Variants in DPP10 observed in about 807,000 individuals in gnomAD.
DPP10 encodes inactive dipeptidyl peptidase 10.
Under a neutral mutation model 120.9 loss-of-function variants are expected in DPP10, and 33 were observed. The observed-to-expected ratio is 0.27, with a 90% confidence interval of 0.21 to 0.37. The LOEUF (loss-of-function observed/expected upper bound fraction) is 0.37, where lower values mean the gene tolerates loss of function less well. DPP10 is among the 10% of genes least tolerant of loss of function. The pLI is 1.00. For missense variants in DPP10, 816 were observed against 942.8 expected, an observed-to-expected ratio of 0.87 and a Z score of 1.76; for synonymous variants, 337 against 326.1, an observed-to-expected ratio of 1.03 and a Z score of -0.36.
chr2:114,906,975 A>G (rs945138256), intron 1 of DPP10, among the ~76,000 whole-genome samples: 45 of 152,040 alleles, frequency 3.0e-4, no homozygotes, highest in East Asian at 1.9e-4. Flanking sequence ...TATTTGTGGG[A>G]AGTTTTAAGA....
intron 10 of DPP10, 120 bp from the exon 11 acceptor site, chr2:115,753,054 T>C (rs554970964): frequency 1.3e-6 from 1 of 793,640 alleles, no homozygotes; most frequent in Admixed American, 3.2e-5. Context: ...TAAATTAATA[T>C]GTAGCAACAT....
chr2:114,783,600 G>A (rs1194153849), intron 1 of DPP10, among the ~76,000 whole-genome samples: 1 of 152,042 alleles, frequency 6.6e-6, no homozygotes, highest in African/African-American at 2.4e-5. Flanking sequence ...ACTTTGACAG[G>A]CCAAGAAGGG....
chr2:115,797,664 G>A (rs1475152504), intron 19 of DPP10, among the ~76,000 whole-genome samples: 2 of 151,900 alleles, frequency 1.3e-5, no homozygotes, highest in Non-Finnish European at 2.9e-5. Context: ...AAAAGGCAGT[G>A]GCATTTAATC....
intron 1 of DPP10, among the ~76,000 whole-genome samples, chr2:115,201,766 G>A (rs2055743478): frequency 6.6e-6 from 1 of 152,114 alleles, no homozygotes. Flanking sequence ...CCACAGTGGA[G>A]CAGTAAGAGA....
intron 1 of DPP10, among the ~76,000 whole-genome samples, chr2:114,787,276 C>T (rs191339156): frequency 2.0e-5 from 3 of 152,124 alleles, no homozygotes; most frequent in East Asian, 3.9e-4. Context: ...ACCATGGGGG[C>T]AGGAATGAGT....
chr2:115,353,534 A>G (rs2106316247), intron 3 of DPP10, among the ~76,000 whole-genome samples: 1 of 152,230 alleles, frequency 6.6e-6, no homozygotes, highest in Middle Eastern at 3.4e-3. Flanking sequence ...AATGTCAGCT[A>G]TTTTGTGGGA....
At chr2:115,583,381 C>T (rs896422777) in intron 5 of DPP10, among the ~76,000 whole-genome samples, 1 of 152,116 alleles carries the variant, frequency 6.6e-6, no homozygotes, top group African/African-American at 2.4e-5. Context: ...TGGATATTAA[C>T]GGAGATTGCT....
intron 1 of DPP10, among the ~76,000 whole-genome samples, chr2:115,000,155 C>T (rs1701347375): frequency 1.3e-5 from 2 of 151,772 alleles, no homozygotes; most frequent in African/African-American, 4.8e-5. Flanking sequence ...ATCTTTTCTA[C>T]ACAAGAACCA....
In DPP10 at chr2:115,383,966, A is replaced by G. The variant is rs547249280; in HGVS notation, c.271+40054A>G. Among the ~76,000 whole-genome samples the G allele has an allele frequency of 1.6e-4, 25 of 152,340 alleles. No individual in the cohort carries two copies. The South Asian group carries it at 4.1e-3, about 25-fold the overall frequency. On this transcript the variant is annotated intron_variant, in intron 3 of 25. Coordinates refer to ENST00000410059, the MANE Select transcript of DPP10 (RefSeq NM_020868.6). ...CATAAGAAATAACCAAATATAAAGTATCTGTCTAACCAATAGACAAACCTA... is the reference window on the plus strand; with the variant it reads ...CATAAGAAATAACCAAATATAAAGTGTCTGTCTAACCAATAGACAAACCTA...
At chr2:114,806,981 G>A (rs140407816) in intron 1 of DPP10, among the ~76,000 whole-genome samples, 150 of 152,258 alleles carry the variant, frequency 9.9e-4, no homozygotes, top group African/African-American at 3.3e-3. Flanking sequence ...AGAATCAGTC[G>A]TGAAACTAAT....
rs1433432475 is a variant in DPP10 at position 115,843,600 on chromosome 2, A to C, written c.*1255A>C. ...AAGTTCACAGACAGCAGTGTTTGCT[A>C]TTTACTTTGAATTGAAGGCACAAAA... On this transcript the variant is annotated 3_prime_UTR_variant, in exon 26 of 26. Coordinates refer to ENST00000410059, the MANE Select transcript of DPP10 (RefSeq NM_020868.6). 2 of 152,154 alleles carry C rather than the reference A, an allele frequency of 1.3e-5. No individual in the cohort carries two copies. The highest frequency in any genetic ancestry group is 4.8e-5 in the African/African-American group (2 of 41,446). 9.4% of individuals were successfully genotyped at this position (152,154 alleles called of 1,614,324 possible).
intron 3 of DPP10, among the ~76,000 whole-genome samples, chr2:115,450,872 T>C (rs1311123036): frequency 1.3e-5 from 2 of 151,982 alleles, no homozygotes; most frequent in Non-Finnish European, 2.9e-5. Flanking sequence ...TTATTTGTTA[T>C]GATTCTCAAA....
At chr2:114,656,626 G>A (rs1210955599) in intron 1 of DPP10, among the ~76,000 whole-genome samples, 2 of 152,130 alleles carry the variant, frequency 1.3e-5, no homozygotes, top group Non-Finnish European at 2.9e-5. Flanking sequence ...ACAGTGTTGT[G>A]TTTAGTGGTG....
intron 1 of DPP10, among the ~76,000 whole-genome samples, chr2:115,265,621 A>G (rs1260695654): frequency 6.6e-6 from 1 of 152,144 alleles, no homozygotes; most frequent in Non-Finnish European, 1.5e-5. Flanking sequence ...CCACTCACTA[A>G]ATGAATGTCA....
chr2:115,386,002 G>A (rs1039420183), intron 3 of DPP10, among the ~76,000 whole-genome samples: 1 of 152,126 alleles, frequency 6.6e-6, no homozygotes, highest in Non-Finnish European at 1.5e-5. Flanking sequence ...ATATAGGAAA[G>A]GCTGAATATT....
chr2:115,501,121 A>T (rs894312057), intron 4 of DPP10, among the ~76,000 whole-genome samples: 2 of 152,050 alleles, frequency 1.3e-5, no homozygotes, highest in African/African-American at 2.4e-5. Context: ...ACATAATTTT[A>T]TGGAGATTCT....
At chr2:115,695,057 G>A (rs1412665694) in intron 7 of DPP10, among the ~76,000 whole-genome samples, 1 of 152,124 alleles carries the variant, frequency 6.6e-6, no homozygotes, top group East Asian at 1.9e-4. Flanking sequence ...TTCTAAGGTG[G>A]TTAAAAGGCC....
intron 1 of DPP10, among the ~76,000 whole-genome samples, chr2:114,830,777 C>G (rs1687030950): frequency 6.6e-6 from 1 of 151,874 alleles, no homozygotes; most frequent in Non-Finnish European, 1.5e-5. Flanking sequence ...ATAACTTTTA[C>G]TGTATTAAAT....
intron 7 of DPP10, among the ~76,000 whole-genome samples, chr2:115,697,853 C>G (rs900773605): frequency 6.6e-6 from 1 of 151,978 alleles, no homozygotes; most frequent in Non-Finnish European, 1.5e-5. Context: ...GGCGTGGTGG[C>G]GGGCGCCTGT....
Sources: gnomAD v4.1 joint callset for allele counts (sites outside exome capture counted in the v4.1 genomes callset) on GRCh38, gnomAD v4.1.1 for gene constraint, MANE v1.5 for transcripts, NCBI Gene and HGNC (gene_info 2026-07-23, HGNC 2026-07-21) for gene names.